NTRK2: variants seen among roughly 807,000 people sequenced by gnomAD.
The protein encoded by NTRK2 is BDNF/NT-3 growth factors receptor.
NTRK2 carries 13 observed loss-of-function variants against 94.5 expected under a neutral mutation model. The ratio of observed to expected loss-of-function variants is 0.14; its 90% CI spans 0.09 to 0.22. The LOEUF is 0.22. Among genes scored for constraint, NTRK2 ranks in the 10% least tolerant of loss-of-function variants. NTRK2 has a pLI of 1.00. For synonymous variants in NTRK2, 372 were observed against 407.4 expected (o/e 0.91, Z 1.05); for missense variants, 639 against 1,071.2 (o/e 0.60, Z 5.63).
intron 12 of NTRK2, among the ~76,000 whole-genome samples, chr9:84,845,158 A>C (rs2074402283): frequency 6.6e-6 from 1 of 152,206 alleles, no homozygotes; most frequent in African/African-American, 2.4e-5. Flanking sequence ...ATGCATAGGC[A>C]TGTTTATAAC....
Position 84,727,974 on chromosome 9 carries a change from C to T in NTRK2, c.1159+15C>T. The T allele has an allele frequency of 1.9e-6, 3 of 1,610,652 alleles. No homozygotes were observed. Among genetic ancestry groups the T allele is most frequent in the South Asian group, 1.1e-5 (1 of 90,992 alleles). ...AATTGACGATGGTGAGTAACTGACA[C>T]TTTTGTATGTGGGGAGAAGATAAAG... On this transcript the variant is annotated intron_variant, in intron 9 of 18. Transcript: ENST00000277120.
intron 11 of NTRK2, among the ~76,000 whole-genome samples, chr9:84,749,280 T>C (rs866001378): frequency 6.6e-6 from 1 of 152,082 alleles, no homozygotes; most frequent in South Asian, 2.1e-4. Context: ...TTTGGGGAGA[T>C]ATACTCACAG....
intron 12 of NTRK2, among the ~76,000 whole-genome samples, chr9:84,835,070 C>T (rs369159806): frequency 8.5e-5 from 13 of 152,276 alleles, no homozygotes; most frequent in East Asian, 3.9e-4. Context: ...TAACAACTGC[C>T]TACCCATGCC....
chr9:84,758,549 G>A (rs1031786678), intron 12 of NTRK2, among the ~76,000 whole-genome samples: 8 of 151,994 alleles, frequency 5.3e-5, no homozygotes, highest in East Asian at 1.9e-4. Flanking sequence ...GCGCTACCAC[G>A]CCCGGCTAAT....
At chr9:84,875,723 G>A (rs2076037597) in intron 14 of NTRK2, 1 of 1,053,464 alleles carries the variant, frequency 9.5e-7, no homozygotes. Context: ...TAAACTTGAT[G>A]GAGTTTGCTG....
intron 17 of NTRK2, among the ~76,000 whole-genome samples, chr9:84,991,845 CA>C (rs1005387505): frequency 6.6e-6 from 1 of 152,144 alleles, no homozygotes; most frequent in African/African-American, 2.4e-5. Context: ...TGCAATGAAG[CA>C]AAGGGAGGGG....
intron 14 of NTRK2, among the ~76,000 whole-genome samples, chr9:84,899,352 T>C: frequency 6.6e-6 from 1 of 152,246 alleles, no homozygotes. Flanking sequence ...AGGGTGTGTT[T>C]AAAATATCTG....
chr9:84,877,730 T>A, intron 14 of NTRK2: 1 of 1,058,922 alleles, frequency 9.4e-7, no homozygotes, highest in Non-Finnish European at 1.1e-6. Context: ...TCTTCCTATG[T>A]TCAGAAACTC....
chr9:84,971,134 CT>C (rs1826135632), intron 17 of NTRK2, among the ~76,000 whole-genome samples: 1 of 152,178 alleles, frequency 6.6e-6, no homozygotes, highest in African/African-American at 2.4e-5. Flanking sequence ...TGTTACATCA[CT>C]TCTAGAATTC....
At chr9:84,993,616 C>T (rs966601085) in intron 17 of NTRK2, among the ~76,000 whole-genome samples, 2 of 152,204 alleles carry the variant, frequency 1.3e-5, no homozygotes, top group Non-Finnish European at 2.9e-5. Context: ...CCATTCTCAG[C>T]ATAAAATCTT....
At chr9:84,971,497 A>G (rs886823978) in intron 17 of NTRK2, among the ~76,000 whole-genome samples, 1 of 152,204 alleles carries the variant, frequency 6.6e-6, no homozygotes, top group African/African-American at 2.4e-5. Flanking sequence ...CTCCTTCCCC[A>G]CTGGGCAGAG....
In NTRK2 at chr9:84,706,516, TTTTTGTTTTTG is replaced by T. The variant is rs1169431505; in HGVS notation, c.360-1323_360-1313del. Among the ~76,000 whole-genome samples the T allele has an allele frequency of 1.9e-4, 21 of 109,048 alleles. 1 individual carries two copies. Among genetic ancestry groups the T allele is most frequent in the African/African-American group, 5.8e-4 (16 of 27,360 alleles). The allele number at this position is 109,048 out of a possible 152,430, so 71.5% of individuals were successfully genotyped here. A position where few individuals can be genotyped will look rare whatever the true frequency, so the allele number is the denominator to read the frequency against. ...CACCCTCAGATCTCATGTGTGTTAT[TTTTTGTTTTTG>T]TTTTTTTTTTTTTTTTTTTTGAGAC... On this transcript the variant is annotated intron_variant, in intron 4 of 18. Coordinates refer to ENST00000277120, the MANE Select transcript of NTRK2 (RefSeq NM_006180.6).
At chr9:84,737,479 T>A (rs2063339038) in intron 9 of NTRK2, among the ~76,000 whole-genome samples, 1 of 152,186 alleles carries the variant, frequency 6.6e-6, no homozygotes, top group Admixed American at 6.5e-5. Context: ...TTGGGTTTGA[T>A]GCTGTTGGGG....
At chr9:84,902,679 C>A (rs991440378) in intron 14 of NTRK2, among the ~76,000 whole-genome samples, 1 of 152,150 alleles carries the variant, frequency 6.6e-6, no homozygotes, top group African/African-American at 2.4e-5. Context: ...AACTCTATCC[C>A]CTCAATCTTT....
At chr9:84,668,846 A>C (rs2058521934), upstream of NTRK2, 1 of 152,284 alleles carries the variant, frequency 6.6e-6, no homozygotes, top group Non-Finnish European at 1.5e-5. Flanking sequence ...GCGGGGAGTG[A>C]ATCCACGATC....
intron 17 of NTRK2, among the ~76,000 whole-genome samples, chr9:84,978,198 G>A (rs1827136337): frequency 6.6e-6 from 1 of 152,208 alleles, no homozygotes; most frequent in Non-Finnish European, 1.5e-5. Flanking sequence ...AGTAAGGAAG[G>A]CATGTCGAAA....
intron 14 of NTRK2, among the ~76,000 whole-genome samples, chr9:84,926,117 CCTTCCTTCCTTCCTT>C (rs2077766266): frequency 7.2e-5 from 3 of 41,650 alleles, no homozygotes; most frequent in African/African-American, 2.2e-4. Context: ...TTCCTTCCTT[CCTTCCTTCCTTCCTT>C]CCTTCCTTCC....
intron 12 of NTRK2, among the ~76,000 whole-genome samples, chr9:84,851,826 G>A (rs990606116): frequency 5.3e-5 from 8 of 152,022 alleles, no homozygotes; most frequent in South Asian, 2.1e-4. Context: ...TTTCCTGTGC[G>A]GTGCTTTGCA....
chr9:84,829,831 A>G (rs1300286744), intron 12 of NTRK2, among the ~76,000 whole-genome samples: 2 of 151,252 alleles, frequency 1.3e-5, no homozygotes, highest in African/African-American at 2.4e-5. Context: ...TGTATTGAGA[A>G]CTCCTGGACT....
Sources: gnomAD v4.1 joint callset for allele counts (sites outside exome capture counted in the v4.1 genomes callset) on GRCh38, gnomAD v4.1.1 for gene constraint, MANE v1.5 for transcripts, NCBI Gene and HGNC (gene_info 2026-07-23, HGNC 2026-07-21) for gene names.